The following ATF6 variants were observed in gnomAD, a reference collection of about 807,000 sequenced individuals.
ATF6 encodes cyclic AMP-dependent transcription factor ATF-6 alpha.
In ATF6, 53 loss-of-function variants were observed where a neutral mutation model predicts 83.6. The observed-to-expected ratio is 0.63, with a 90% CI of 0.51 to 0.80. The LOEUF is 0.80. ATF6 is among the 30% of genes least tolerant of loss of function. The probability of loss-of-function intolerance (pLI) is 0.00; values close to 1 mark genes in which losing one functional copy is unlikely to be tolerated. For synonymous variants in ATF6, 288 were observed against 285.8 expected (o/e 1.01, Z -0.08); for missense variants, 744 against 797.9 (o/e 0.93, Z 0.81).
At chr1:161,796,959 A>G (rs937398868) in intron 6 of ATF6, among the ~76,000 whole-genome samples, 2 of 151,656 alleles carry the variant, frequency 1.3e-5, no homozygotes, top group Non-Finnish European at 2.9e-5. Context: ...ATATATTTTC[A>G]TAGTGCCAGA....
chr1:161,793,450 TA>T (rs1219756891), intron 6 of ATF6, among the ~76,000 whole-genome samples: 1 of 152,230 alleles, frequency 6.6e-6, no homozygotes, highest in Non-Finnish European at 1.5e-5. Context: ...TTGTGATTTA[TA>T]AATGTGTATT....
intron 15 of ATF6, among the ~76,000 whole-genome samples, chr1:161,956,817 T>C (rs1445650117): frequency 6.6e-6 from 1 of 152,252 alleles, no homozygotes; most frequent in Non-Finnish European, 1.5e-5. Flanking sequence ...TAAAATAGAA[T>C]ATATCATCTG....
intron 1 of ATF6, 53 bp from the exon 2 acceptor site, chr1:161,778,191 T>TTG (rs1211467787): frequency 6.8e-7 from 1 of 1,468,790 alleles, no homozygotes. Context: ...GCTTGTTTCT[T>TTG]TGTCAAATAA....
rs1463491628 is a variant in ATF6 at position 161,958,394 on chromosome 1, G to C, written c.1805-52G>C. 3 of 1,514,828 alleles carry C rather than the reference G, an allele frequency of 2.0e-6. No individual in the cohort carries two copies. The African/African-American group carries it at 4.1e-5, about 21-fold the overall frequency. The allele number at this position is 1,514,828 out of a possible 1,614,324, so 93.8% of individuals were successfully genotyped here. On this transcript the variant is annotated intron_variant, in intron 15 of 15. Coordinates refer to ENST00000367942, the MANE Select transcript of ATF6 (RefSeq NM_007348.4). The stretch of plus-strand genomic sequence containing the variant: ...ATTTCTGGGGCTGAAGCTTATGGCA[G>C]AGATGCACATTCTGTTGAATATTTA...
intron 14 of ATF6, among the ~76,000 whole-genome samples, chr1:161,871,737 C>T (rs1463888746): frequency 1.3e-5 from 2 of 151,604 alleles, no homozygotes; most frequent in African/African-American, 4.8e-5. Flanking sequence ...TGACTTTAGA[C>T]AAATCACTTA....
At chr1:161,812,730 A>G (rs1685506522) in intron 7 of ATF6, among the ~76,000 whole-genome samples, 1 of 151,648 alleles carries the variant, frequency 6.6e-6, no homozygotes, top group Admixed American at 6.6e-5. Flanking sequence ...GTTGCATGGT[A>G]TATCAGAGCA....
chr1:161,833,005 C>T (rs1430928158), intron 9 of ATF6, among the ~76,000 whole-genome samples: 1 of 152,210 alleles, frequency 6.6e-6, no homozygotes, highest in Non-Finnish European at 1.5e-5. Context: ...AGGCACCCCC[C>T]AGTAGGGGCG....
intron 7 of ATF6, among the ~76,000 whole-genome samples, chr1:161,803,168 T>C (rs752265442): frequency 6.6e-6 from 1 of 152,326 alleles, no homozygotes; most frequent in South Asian, 2.1e-4. Flanking sequence ...CAAGGTTGTT[T>C]ATCAGACTAC....
intron 15 of ATF6, among the ~76,000 whole-genome samples, chr1:161,931,952 A>G (rs1202546509): frequency 6.6e-6 from 1 of 152,204 alleles, no homozygotes; most frequent in Non-Finnish European, 1.5e-5. Context: ...CCTGAAATGA[A>G]TACTTTATTT....
rs557262430 is a variant in ATF6 at position 161,930,118 on chromosome 1, A to C, written c.1804+17738A>C. 9.8e-5 allele frequency among the ~76,000 whole-genome samples: 15 copies of C among 152,376 alleles called. No individual in the cohort carries two copies. In the South Asian group the frequency reaches 3.1e-3, roughly 32 times the overall value. On this transcript the variant is annotated intron_variant, in intron 15 of 15. Transcript: ENST00000367942. ...TTCTATACTTTGTACATGATAGGCC[A>C]GTGACAACTAATGTTTTTACTCAAG...
chr1:161,849,717 C>G (rs1056669836), intron 10 of ATF6, among the ~76,000 whole-genome samples: 2 of 152,062 alleles, frequency 1.3e-5, no homozygotes, highest in African/African-American at 2.4e-5. Flanking sequence ...TAATTTCATG[C>G]ACAGTTCATA....
At chr1:161,897,130 C>T (rs1207955720) in intron 14 of ATF6, among the ~76,000 whole-genome samples, 2 of 151,890 alleles carry the variant, frequency 1.3e-5, no homozygotes, top group African/African-American at 2.4e-5. Context: ...AATATTTTTA[C>T]TGAATTAAAT....
chr1:161,896,003 A>G (rs1252160933), intron 14 of ATF6, among the ~76,000 whole-genome samples: 7 of 152,256 alleles, frequency 4.6e-5, no homozygotes, highest in Admixed American at 2.6e-4. Flanking sequence ...ATGCTGGACC[A>G]TCCCTGTTCT....
intron 7 of ATF6, among the ~76,000 whole-genome samples, chr1:161,812,513 C>T (rs1030800889): frequency 4.1e-5 from 6 of 146,864 alleles, no homozygotes; most frequent in South Asian, 2.2e-4. Flanking sequence ...CTGCCTCAGC[C>T]TCCCAAGTAG....
At chr1:161,924,469 T>TA (rs1688270934) in intron 15 of ATF6, among the ~76,000 whole-genome samples, 1 of 152,250 alleles carries the variant, frequency 6.6e-6, no homozygotes. Context: ...TATATGTTCC[T>TA]GTGTTAAGAA....
intron 10 of ATF6, among the ~76,000 whole-genome samples, chr1:161,847,316 A>G (rs902907699): frequency 1.3e-5 from 2 of 152,086 alleles, no homozygotes; most frequent in African/African-American, 2.4e-5. Flanking sequence ...AGATTTGTTT[A>G]CTTTTATCTC....
chr1:161,916,022 C>T (rs530756806), intron 15 of ATF6, among the ~76,000 whole-genome samples: 2 of 152,320 alleles, frequency 1.3e-5, no homozygotes, highest in African/African-American at 4.8e-5. Context: ...TCTCAAAAGA[C>T]TTACACTCAC....
intron 6 of ATF6, among the ~76,000 whole-genome samples, chr1:161,800,589 C>G (rs1332247821): frequency 2.0e-5 from 3 of 152,148 alleles, no homozygotes; most frequent in Admixed American, 6.5e-5. Context: ...TGCAGAGTAA[C>G]AAGGCAGGAC....
intron 8 of ATF6, among the ~76,000 whole-genome samples, chr1:161,820,041 G>A (rs1429478063): frequency 6.6e-6 from 1 of 152,114 alleles, no homozygotes; most frequent in Non-Finnish European, 1.5e-5. Context: ...CCTTTTCCTA[G>A]GTTTCTCCTC....
Sources: allele counts gnomAD v4.1 joint callset (sites outside exome capture counted in the v4.1 genomes callset), GRCh38; gene constraint gnomAD v4.1.1; transcripts MANE v1.5; gene names NCBI Gene and HGNC (gene_info 2026-07-23, HGNC 2026-07-21).